Variants in EYS observed in about 807,000 individuals in gnomAD.
The protein encoded by EYS is protein eyes shut homolog.
A neutral mutation model predicts 282.1 loss-of-function variants in EYS; 250 were observed. The observed-to-expected ratio is 0.89, with a 90% CI of 0.80 to 0.98. The LOEUF (loss-of-function observed/expected upper bound fraction) is 0.98, where lower values mean the gene tolerates loss of function less well. Ranked by LOEUF, EYS falls within the 50% of genes least tolerant of loss-of-function variation. EYS has a pLI of 0.00. For missense variants in EYS, 4,016 were observed against 3,709.0 expected, an observed-to-expected ratio of 1.08 and a Z score of -2.15; for synonymous variants, 1,355 against 1,282.9, an observed-to-expected ratio of 1.06 and a Z score of -1.20.
chr6:65,575,699 T>C (rs1764639878), intron 2 of EYS, among the ~76,000 whole-genome samples: 1 of 151,832 alleles, frequency 6.6e-6, no homozygotes, highest in Non-Finnish European at 1.5e-5. Flanking sequence ...AACTTTTAGC[T>C]AGACCAACAG....
intron 26 of EYS, among the ~76,000 whole-genome samples, chr6:64,516,832 C>G (rs1377577214): frequency 6.6e-6 from 1 of 151,364 alleles, no homozygotes; most frequent in Non-Finnish European, 1.5e-5. Context: ...GATCTAGCTC[C>G]AAAGTAATGT....
chr6:65,427,544 T>TA (rs1042677209), intron 5 of EYS, among the ~76,000 whole-genome samples: 1 of 152,024 alleles, frequency 6.6e-6, no homozygotes, highest in East Asian at 1.9e-4. Context: ...AATATGTACA[T>TA]AAAAAATAGA....
intron 12 of EYS, among the ~76,000 whole-genome samples, chr6:65,104,896 C>T (rs1026005704): frequency 2.0e-5 from 3 of 151,388 alleles, no homozygotes; most frequent in African/African-American, 4.8e-5. Flanking sequence ...AAATATTTAG[C>T]TTTCAATGCC....
At position 65,561,831 on chromosome 6, in the gene EYS, A is replaced by T. The variant is rs954758107; in HGVS notation, c.-332-65838T>A. Among the ~76,000 whole-genome samples, 3 of 151,906 alleles carry T rather than the reference A, an allele frequency of 2.0e-5. No homozygotes were observed. In the East Asian group the frequency reaches 5.8e-4, roughly 29 times the overall value. On this transcript the variant is annotated intron_variant, in intron 2 of 42. Coordinates refer to ENST00000503581, the MANE Select transcript of EYS (RefSeq NM_001142800.2). ...TGTTATTATAACCTTGAAAGTGCTG[A>T]TTCATACCATGAATATTATTTAGTT...
chr6:63,959,960 G>T (rs1052907465), intron 35 of EYS, among the ~76,000 whole-genome samples: 5 of 151,910 alleles, frequency 3.3e-5, no homozygotes, highest in Non-Finnish European at 7.4e-5. Flanking sequence ...AACCACCATG[G>T]CACATGTATA....
intron 31 of EYS, among the ~76,000 whole-genome samples, chr6:64,161,190 A>T (rs910715202): frequency 6.6e-6 from 1 of 152,242 alleles, no homozygotes; most frequent in African/African-American, 2.4e-5. Context: ...TTAATAGAAG[A>T]TACAAATAAA....
intron 31 of EYS, among the ~76,000 whole-genome samples, chr6:64,189,470 G>GA (rs1765042468): frequency 6.6e-6 from 1 of 152,182 alleles, no homozygotes; most frequent in South Asian, 2.1e-4. Flanking sequence ...TATTGCCCAT[G>GA]GCTGCTTGAC....
intron 36 of EYS, chr6:63,821,382 T>C (rs1771321496): frequency 6.6e-6 from 1 of 152,196 alleles, no homozygotes; most frequent in Admixed American, 6.5e-5. Context: ...CTCACCCTTA[T>C]TGAGAGTATA....
At chr6:63,794,988 G>A (rs181789648) in intron 37 of EYS, among the ~76,000 whole-genome samples, 143 of 152,272 alleles carry the variant, frequency 9.4e-4, no homozygotes, top group Non-Finnish European at 1.8e-3. Context: ...GAGGAGGAAG[G>A]AAACAATAGG....
intron 33 of EYS, among the ~76,000 whole-genome samples, chr6:64,019,704 C>G: frequency 6.6e-6 from 1 of 152,000 alleles, no homozygotes; most frequent in Non-Finnish European, 1.5e-5. Context: ...CCACCACGCT[C>G]AGCCTCGTTC....
chr6:64,347,022 CT>C (rs1294106154), intron 29 of EYS, among the ~76,000 whole-genome samples: 1 of 151,360 alleles, frequency 6.6e-6, no homozygotes, highest in Non-Finnish European at 1.5e-5. Context: ...CATTTATAAT[CT>C]TTAAAAACTA....
intron 22 of EYS, among the ~76,000 whole-genome samples, chr6:64,698,860 C>T (rs555778842): frequency 4.9e-4 from 75 of 152,178 alleles, no homozygotes; most frequent in African/African-American, 1.8e-3. Context: ...AAGAACATAC[C>T]TATACACTAT....
At chr6:64,058,752 T>A (rs1771067999) in intron 33 of EYS, among the ~76,000 whole-genome samples, 1 of 152,174 alleles carries the variant, frequency 6.6e-6, no homozygotes, top group South Asian at 2.1e-4. Flanking sequence ...TGTCAAAATC[T>A]TGTCTTGAAA....
intron 36 of EYS, among the ~76,000 whole-genome samples, chr6:63,844,626 T>G (rs568911571): frequency 6.6e-6 from 1 of 152,302 alleles, no homozygotes; most frequent in Non-Finnish European, 1.5e-5. Flanking sequence ...GCTTTTTTTT[T>G]TTCATATTTT....
At chr6:64,800,643 G>A (rs970961925) in intron 22 of EYS, among the ~76,000 whole-genome samples, 1 of 150,002 alleles carries the variant, frequency 6.7e-6, no homozygotes, top group Admixed American at 6.7e-5. Context: ...CATTATCACA[G>A]TTGTATAAGC....
At chr6:65,398,420 T>C (rs1194176308) in intron 7 of EYS, among the ~76,000 whole-genome samples, 2 of 151,972 alleles carry the variant, frequency 1.3e-5, no homozygotes, top group South Asian at 2.1e-4. Flanking sequence ...TAAAGAATTA[T>C]ATGCAGAAGA....
intron 8 of EYS, among the ~76,000 whole-genome samples, chr6:65,359,433 G>A (rs1304486608): frequency 6.6e-6 from 1 of 151,888 alleles, no homozygotes; most frequent in Admixed American, 6.6e-5. Flanking sequence ...AGTATGAAGA[G>A]GATTTTAAAA....
intron 35 of EYS, among the ~76,000 whole-genome samples, chr6:63,934,064 G>C (rs1220529124): frequency 1.3e-5 from 2 of 151,808 alleles, no homozygotes; most frequent in Non-Finnish European, 2.9e-5. Flanking sequence ...CAAGAAAAAA[G>C]CAACCCCATC....
intron 30 of EYS, among the ~76,000 whole-genome samples, chr6:64,240,119 G>A (rs2150342753): frequency 6.6e-6 from 1 of 152,254 alleles, no homozygotes; most frequent in African/African-American, 2.4e-5. Flanking sequence ...CTATATCTCT[G>A]TTTTGGTACC....
Sources: gnomAD v4.1 joint callset for allele counts (sites outside exome capture counted in the v4.1 genomes callset) on GRCh38, gnomAD v4.1.1 for gene constraint, MANE v1.5 for transcripts, NCBI Gene and HGNC (gene_info 2026-07-23, HGNC 2026-07-21) for gene names.